The following SCAND3 variants were observed in gnomAD, a reference collection of about 807,000 sequenced individuals.
SCAND3 encodes SCAN domain containing 3, also known as SCAN domain-containing protein 3.
At chr6:28,591,446 C>T in the SCAND3 span, 1 of 152,196 alleles carries the variant, frequency 6.6e-6, no homozygotes, top group East Asian at 1.9e-4. Context: ...CTCCTCTCAA[C>T]TAGGTCCCAT....
chr6:28,615,074 A>G, the SCAND3 span, among the ~76,000 whole-genome samples: 3 of 152,252 alleles, frequency 2.0e-5, no homozygotes, highest in African/African-American at 7.2e-5. Flanking sequence ...CAAAGTGCAC[A>G]GACATGAGAG....
At chr6:28,590,387 A>G in the SCAND3 span, 48 of 152,384 alleles carry the variant, frequency 3.1e-4, no homozygotes, top group African/African-American at 1.1e-3. Context: ...TGTAGCCGCT[A>G]TCTTGCCTCC....
chr6:28,595,257 G>A, the SCAND3 span, among the ~76,000 whole-genome samples: 1 of 132,298 alleles, frequency 7.6e-6, no homozygotes, highest in Admixed American at 8.0e-5. Context: ...TGAGTTGGGA[G>A]GATTGCTTGA....
At chr6:28,574,360 AT>A in the SCAND3 span, among the ~76,000 whole-genome samples, 1 of 152,214 alleles carries the variant, frequency 6.6e-6, no homozygotes, top group South Asian at 2.1e-4. Context: ...TTGATTTTAA[AT>A]TTTTTTGGTT....
At chr6:28,594,838 C>T in the SCAND3 span, among the ~76,000 whole-genome samples, 1 of 151,576 alleles carries the variant, frequency 6.6e-6, no homozygotes, top group Non-Finnish European at 1.5e-5. Context: ...AAGTTGAACT[C>T]GTAGAAATAG....
At chr6:28,589,426 C>G in the SCAND3 span, 7 of 152,088 alleles carry the variant, frequency 4.6e-5, no homozygotes, top group East Asian at 7.7e-4. Flanking sequence ...ATCCAGCAAT[C>G]CGAGTTCGAA....
chr6:28,598,255 C>A, the SCAND3 span, among the ~76,000 whole-genome samples: 1 of 152,182 alleles, frequency 6.6e-6, no homozygotes, highest in Non-Finnish European at 1.5e-5. Flanking sequence ...TTGGCAATTT[C>A]AAATAAACCC....
chr6:28,599,441 G>T, the SCAND3 span, among the ~76,000 whole-genome samples: 1 of 152,208 alleles, frequency 6.6e-6, no homozygotes, highest in Admixed American at 6.5e-5. Context: ...GGTGTGATAT[G>T]GTTTGGGTGT....
chr6:28,592,998 G>T, the SCAND3 span, among the ~76,000 whole-genome samples: 1 of 146,124 alleles, frequency 6.8e-6, no homozygotes, highest in Non-Finnish European at 1.5e-5. The surrounding 1 kb of genome is among the most constrained non-coding windows in gnomAD (Gnocchi z 4.1). Context: ...CCATGACATT[G>T]TCTGGGCAAT....
chr6:28,602,956 A>ATTTT, the SCAND3 span, among the ~76,000 whole-genome samples: 146 of 94,416 alleles, frequency 1.5e-3, no homozygotes, highest in Middle Eastern at 8.9e-3. Flanking sequence ...CCAAAAAAAA[A>ATTTT]TTTTTTTTTT....
chr6:28,614,754 C>G, the SCAND3 span, among the ~76,000 whole-genome samples: 4 of 152,078 alleles, frequency 2.6e-5, no homozygotes, highest in Admixed American at 2.0e-4. Context: ...TGTGAGCCAT[C>G]GTGCTGGTCC....
the SCAND3 span, among the ~76,000 whole-genome samples, chr6:28,603,967 A>G: frequency 6.6e-6 from 1 of 152,160 alleles, no homozygotes; most frequent in South Asian, 2.1e-4. Flanking sequence ...TGATCTCCCC[A>G]ACAGGACTGC....
the SCAND3 span, among the ~76,000 whole-genome samples, chr6:28,593,939 C>T: frequency 6.6e-6 from 1 of 152,162 alleles, no homozygotes; most frequent in Non-Finnish European, 1.5e-5. Flanking sequence ...CACTTGGGTT[C>T]GAACTCCTGG....
chr6:28,572,144 A>G, the SCAND3 span: 93 of 1,614,036 alleles, frequency 5.8e-5, no homozygotes, highest in Non-Finnish European at 7.6e-5. The surrounding 1 kb of genome is among the most constrained non-coding windows in gnomAD (Gnocchi z 4.1). Flanking sequence ...TTTATCCAAA[A>G]TGAAGGAAGT....
the SCAND3 span, among the ~76,000 whole-genome samples, chr6:28,593,843 C>T: frequency 0.054 from 8,206 of 151,974 alleles, 608 homozygotes; most frequent in African/African-American, 0.16. Flanking sequence ...TAGCTGAGAC[C>T]GCAGGCATGC....
chr6:28,594,446 G>A, the SCAND3 span, among the ~76,000 whole-genome samples: 1 of 152,172 alleles, frequency 6.6e-6, no homozygotes, highest in Non-Finnish European at 1.5e-5. Context: ...CCTGAGATCA[G>A]TAGTTTGAGA....
At chr6:28,575,493 A>T in the SCAND3 span, 1 of 1,613,976 alleles carries the variant, frequency 6.2e-7, no homozygotes, top group Non-Finnish European at 8.5e-7. The surrounding 1 kb of genome is among the most constrained non-coding windows in gnomAD (Gnocchi z 4.2). Context: ...ACCGCAAAAA[A>T]GTTAACTTTG....
At chr6:28,596,830 TGTTGGGGGAGGGCA>T in the SCAND3 span, among the ~76,000 whole-genome samples, 1 of 152,160 alleles carries the variant, frequency 6.6e-6, no homozygotes. Context: ...TTAAGTATTT[TGTTGGGGGAGGGCA>T]GTTTAAAGTT....
chr6:28,588,577 A>G, the SCAND3 span, among the ~76,000 whole-genome samples: 1 of 152,174 alleles, frequency 6.6e-6, no homozygotes, highest in African/African-American at 2.4e-5. This position sits in a 1 kb window ranked among gnomAD's most constrained non-coding sequence, Gnocchi z 4.1. Flanking sequence ...TGTTGTATGT[A>G]CCTCCAACCT....
Sources: gnomAD v4.1 joint callset for allele counts (sites outside exome capture counted in the v4.1 genomes callset) on GRCh38, gnomAD v4.1.1 for gene constraint, Gnocchi (gnomAD v3.1) non-coding constraint, MANE v1.5 for transcripts, NCBI Gene and HGNC (gene_info 2026-07-23, HGNC 2026-07-21) for gene names.